The following TENM1 variants were observed in gnomAD, a reference collection of about 807,000 sequenced individuals.
TENM1 encodes the protein teneurin-1.
In TENM1, 35 loss-of-function variants were observed where a neutral mutation model predicts 174.8. That is an observed-to-expected ratio of 0.20 (90% confidence interval 0.15 to 0.27). The LOEUF is 0.27. Ranked by LOEUF, TENM1 falls within the 10% of genes least tolerant of loss-of-function variation. The pLI, the probability that TENM1 is intolerant of heterozygous loss-of-function variation, is 1.00. For missense variants in TENM1, 1,633 were observed against 2,130.1 expected (o/e 0.77, Z 4.59); for synonymous variants, 781 against 798.7 (o/e 0.98, Z 0.37).
At position 124,563,878 on chromosome X, in the gene TENM1, C is replaced by G. The variant is rs566686928; in HGVS notation, c.2264-106G>C. On this transcript the variant is annotated intron_variant, in intron 12 of 31. Coordinates refer to ENST00000422452, the Ensembl canonical transcript of TENM1. ...TGTTGCCTGGGAGGAGAACAGCAAACTGCGCACTGCTGAAATGCCTGCAGC... is the reference window on the plus strand; with the variant it reads ...TGTTGCCTGGGAGGAGAACAGCAAAGTGCGCACTGCTGAAATGCCTGCAGC... 1.8e-4 allele frequency: 118 copies of G among 654,869 alleles called. No individual in the cohort carries two copies. The South Asian group carries it at 4.8e-3, about 27-fold the overall frequency. 54.0% of individuals were successfully genotyped at this position (654,869 alleles called of 1,213,427 possible).
At chrX:124,613,046 C>CT (rs920838181) in intron 11 of TENM1, among the ~76,000 whole-genome samples, 1 of 111,320 alleles carries the variant, frequency 9.0e-6, no homozygotes, top group African/African-American at 3.3e-5. Flanking sequence ...CTTTCATTGC[C>CT]TTCTACAATG....
intron 18 of TENM1, among the ~76,000 whole-genome samples, chrX:124,520,290 C>T (rs1336536790): frequency 3.6e-5 from 4 of 111,466 alleles, no homozygotes; most frequent in African/African-American, 1.3e-4. Context: ...TGCATGAGTC[C>T]ATTGGTACGC....
chrX:124,497,335 T>G, intron 19 of TENM1, 70 bp from the exon 23 acceptor site: 1 of 1,066,062 alleles, frequency 9.4e-7, no homozygotes, highest in South Asian at 2.2e-5. Flanking sequence ...AGCAATATTT[T>G]AATTTATTCT....
chrX:124,658,405 AT>A (rs1268652613), intron 6 of TENM1, among the ~76,000 whole-genome samples: 1 of 111,490 alleles, frequency 9.0e-6, no homozygotes, highest in African/African-American at 3.3e-5. Context: ...AATGTTGATA[AT>A]TTTTTTGTTG....
At chrX:124,971,427 T>G in the TENM1 span, among the ~76,000 whole-genome samples, 1 of 111,823 alleles carries the variant, frequency 8.9e-6, no homozygotes, top group Non-Finnish European at 1.9e-5. Context: ...TCGCGCTAGA[T>G]GATTTTTTGC....
At chrX:124,594,614 G>A (rs1265592106) in intron 11 of TENM1, among the ~76,000 whole-genome samples, 1 of 111,727 alleles carries the variant, frequency 9.0e-6, no homozygotes, top group Admixed American at 9.5e-5. Flanking sequence ...AACATGAGAT[G>A]ATAGATATTT....
chrX:124,479,183 T>C (rs774116105), intron 22 of TENM1, among the ~76,000 whole-genome samples: 2 of 112,473 alleles, frequency 1.8e-5, no homozygotes, highest in African/African-American at 6.5e-5. Context: ...GTTAGCATGG[T>C]TGAAGGAGAT....
chrX:124,797,099 G>A (rs755006925), intron 3 of TENM1, among the ~76,000 whole-genome samples: 1 of 111,745 alleles, frequency 8.9e-6, no homozygotes, highest in African/African-American at 3.2e-5. Context: ...GATTAGATTT[G>A]TATTTGTTCC....
the TENM1 span, among the ~76,000 whole-genome samples, chrX:124,970,905 C>G: frequency 3.3e-4 from 36 of 110,255 alleles, no homozygotes; most frequent in South Asian, 7.5e-3. Flanking sequence ...AACAATGATA[C>G]ACTGGATTAA....
chrX:125,102,544 C>T, the TENM1 span, among the ~76,000 whole-genome samples: 1 of 111,920 alleles, frequency 8.9e-6, no homozygotes, highest in Non-Finnish European at 1.9e-5. Flanking sequence ...TCACTCAACC[C>T]TATGATTGTA....
chrX:125,088,620 A>C, the TENM1 span, among the ~76,000 whole-genome samples: 2 of 110,858 alleles, frequency 1.8e-5, no homozygotes, highest in Non-Finnish European at 3.8e-5. Context: ...GGTGAGAAAA[A>C]TTAAGGAGTT....
the TENM1 span, among the ~76,000 whole-genome samples, chrX:124,987,470 T>TA: frequency 2.7e-5 from 3 of 111,916 alleles, no homozygotes; most frequent in African/African-American, 9.7e-5. Flanking sequence ...TGTCATCACT[T>TA]AAAGTGAAGG....
intron 14 of TENM1, among the ~76,000 whole-genome samples, chrX:124,552,233 G>A (rs2048589134): frequency 9.0e-6 from 1 of 111,582 alleles, no homozygotes; most frequent in Non-Finnish European, 1.9e-5. Flanking sequence ...GTAAAGCAAA[G>A]TCTTCTTAGG....
chrX:124,401,554 A>G (rs2060401021), intron 27 of TENM1, among the ~76,000 whole-genome samples: 2 of 112,299 alleles, frequency 1.8e-5, no homozygotes, highest in Admixed American at 9.4e-5. Context: ...GATGCTTACA[A>G]ATGGGTCATT....
intron 5 of TENM1, among the ~76,000 whole-genome samples, chrX:124,689,215 A>T (rs2052454418): frequency 8.9e-6 from 1 of 112,117 alleles, no homozygotes; most frequent in African/African-American, 3.2e-5. Context: ...AAATGTTTGG[A>T]CAAATTGGCA....
chrX:125,190,716 A>G, the TENM1 span, among the ~76,000 whole-genome samples: 1 of 111,331 alleles, frequency 9.0e-6, no homozygotes, highest in East Asian at 2.8e-4. Context: ...TCATATGGCA[A>G]TATTTATTTT....
At chrX:125,142,526 G>A in the TENM1 span, among the ~76,000 whole-genome samples, 1 of 109,737 alleles carries the variant, frequency 9.1e-6, no homozygotes, top group African/African-American at 3.3e-5. Context: ...CTTAATTGTT[G>A]TAGATATTGG....
In TENM1 at chrX:124,919,580, G is replaced by A. The variant is rs764152757; in HGVS notation, c.218-23339C>T. On this transcript the variant is annotated intron_variant, in intron 1 of 31. Transcript: ENST00000422452. ...AATGATAAACACATTTCAGGATGAC[G>A]GTCATCTAGTAGGGAAGTGAGGGAA... Among the ~76,000 whole-genome samples the A allele has an allele frequency of 7.9e-4, 88 of 110,930 alleles. 1 individual carries two copies. Among genetic ancestry groups the A allele is most frequent in the African/African-American group, 2.7e-3 (82 of 30,576 alleles).
At chrX:124,903,462 A>T (rs1205982464) in intron 1 of TENM1, among the ~76,000 whole-genome samples, 1 of 112,342 alleles carries the variant, frequency 8.9e-6, no homozygotes. Flanking sequence ...AGAAACCTGG[A>T]AGAAATCAAA....
Sources: allele counts gnomAD v4.1 joint callset (sites outside exome capture counted in the v4.1 genomes callset), GRCh38; gene constraint gnomAD v4.1.1; transcripts MANE v1.5; gene names NCBI Gene and HGNC (gene_info 2026-07-23, HGNC 2026-07-21).